ZNRF3: variants seen among roughly 807,000 people sequenced by gnomAD.
The protein encoded by ZNRF3 is zinc and ring finger 3.
A neutral mutation model predicts 72.5 loss-of-function variants in ZNRF3; 23 were observed. The observed-to-expected ratio is 0.32, with a 90% CI of 0.23 to 0.45. The LOEUF (loss-of-function observed/expected upper bound fraction) is 0.45. Ranked by LOEUF, ZNRF3 falls within the 20% of genes least tolerant of loss-of-function variation. The pLI is 1.00. For synonymous variants in ZNRF3, 610 were observed against 545.3 expected, an observed-to-expected ratio of 1.12 and a Z score of -1.65; for missense variants, 1,169 against 1,272.1, an observed-to-expected ratio of 0.92 and a Z score of 1.23.
chr22:28,940,061 A>G (rs1391137357), intron 1 of ZNRF3, among the ~76,000 whole-genome samples: 2 of 152,190 alleles, frequency 1.3e-5, no homozygotes, highest in Non-Finnish European at 2.9e-5. Flanking sequence ...AGCAGAACAA[A>G]ACCTCAGCAG....
At chr22:29,010,929 A>G (rs2036337109) in intron 2 of ZNRF3, among the ~76,000 whole-genome samples, 1 of 152,200 alleles carries the variant, frequency 6.6e-6, no homozygotes, top group South Asian at 2.1e-4. Flanking sequence ...TCAGCCTCCC[A>G]GAGTGCTGGG....
intron 1 of ZNRF3, among the ~76,000 whole-genome samples, chr22:28,964,072 G>A (rs997333656): frequency 2.0e-5 from 3 of 152,152 alleles, no homozygotes; most frequent in Non-Finnish European, 4.4e-5. Context: ...TGAGGGACAA[G>A]CTCCAGGAGT....
intron 1 of ZNRF3, among the ~76,000 whole-genome samples, chr22:28,907,489 GCAGGTGGT>G (rs1234080491): frequency 1.3e-5 from 2 of 152,192 alleles, no homozygotes; most frequent in African/African-American, 4.8e-5. Flanking sequence ...CACCAAGGGA[GCAGGTGGT>G]GGCCGCATGG....
At position 28,940,964 on chromosome 22, in the gene ZNRF3, CT is replaced by C. The variant is rs1025808503; in HGVS notation, c.301-46103del. Among the ~76,000 whole-genome samples the C allele has an allele frequency of 2.8e-4, 43 of 151,370 alleles. No homozygotes were observed. The East Asian group carries it at 3.1e-3, about 11-fold the overall frequency. On this transcript the variant is annotated intron_variant, in intron 1 of 8. Coordinates refer to ENST00000544604, the MANE Select transcript of ZNRF3 (RefSeq NM_001206998.2). ...GCACTTTGATCACCCTCCTGATTCC[CT>C]TTTTTTTTCCTCCCCCTTTTTGGAC...
At chr22:28,971,112 C>G (rs983817221) in intron 1 of ZNRF3, among the ~76,000 whole-genome samples, 17 of 152,076 alleles carry the variant, frequency 1.1e-4, no homozygotes, top group Admixed American at 1.1e-3. Flanking sequence ...CTGCTTGAGC[C>G]CAGGAGTTTG....
intron 1 of ZNRF3, among the ~76,000 whole-genome samples, chr22:28,900,885 C>T (rs1461677915): frequency 6.6e-6 from 1 of 151,998 alleles, no homozygotes. Context: ...GTGGGATGAT[C>T]GCTTGAGGCC....
At chr22:29,039,778 C>G (rs2036926598) in intron 2 of ZNRF3, among the ~76,000 whole-genome samples, 1 of 109,406 alleles carries the variant, frequency 9.1e-6, no homozygotes, top group Middle Eastern at 5.8e-3. Flanking sequence ...GAGACCTCGT[C>G]TCTACCAAAA....
intron 1 of ZNRF3, among the ~76,000 whole-genome samples, chr22:28,928,092 A>C (rs2034636258): frequency 6.6e-6 from 1 of 152,230 alleles, no homozygotes; most frequent in Admixed American, 6.5e-5. Flanking sequence ...GAGCCAGTGG[A>C]TAATTGCAAG....
At chr22:28,953,161 G>T (rs1266198183) in intron 1 of ZNRF3, among the ~76,000 whole-genome samples, 1 of 152,198 alleles carries the variant, frequency 6.6e-6, no homozygotes, top group Non-Finnish European at 1.5e-5. Flanking sequence ...CCTAGGCAGC[G>T]TGCAGTGCTA....
intron 1 of ZNRF3, among the ~76,000 whole-genome samples, chr22:28,923,909 C>T (rs141711204): frequency 4.6e-5 from 7 of 152,258 alleles, no homozygotes; most frequent in East Asian, 3.9e-4. Flanking sequence ...GGTGGGGGAC[C>T]GAGCGGGCGA....
At chr22:29,011,520 C>G (rs1159955429) in intron 2 of ZNRF3, among the ~76,000 whole-genome samples, 1 of 152,180 alleles carries the variant, frequency 6.6e-6, no homozygotes, top group Non-Finnish European at 1.5e-5. Context: ...GCTCCGAAAC[C>G]TATAATTCGC....
chr22:29,006,505 C>T (rs978811196), intron 2 of ZNRF3, among the ~76,000 whole-genome samples: 6 of 152,190 alleles, frequency 3.9e-5, no homozygotes, highest in African/African-American at 1.4e-4. Context: ...AGCCACCGCA[C>T]CTGGCCCAGT....
At chr22:28,989,166 C>T (rs1033364844) in intron 2 of ZNRF3, among the ~76,000 whole-genome samples, 1 of 152,208 alleles carries the variant, frequency 6.6e-6, no homozygotes, top group Non-Finnish European at 1.5e-5. Context: ...CAAGCAGCAG[C>T]CCCCACGTTT....
intron 2 of ZNRF3, among the ~76,000 whole-genome samples, chr22:29,033,633 G>A (rs116386942): frequency 0.011 from 1,679 of 152,316 alleles, 38 homozygotes; most frequent in African/African-American, 0.039. Context: ...CCTGGCCAGG[G>A]TGGCAGCAGT....
intron 1 of ZNRF3, among the ~76,000 whole-genome samples, chr22:28,942,441 C>T (rs755390255): frequency 2.0e-5 from 3 of 152,196 alleles, no homozygotes; most frequent in Non-Finnish European, 2.9e-5. Flanking sequence ...TAGCCCCTTT[C>T]CTTCTTGTCC....
In ZNRF3 at chr22:28,962,578, A is replaced by T. The variant is rs188393043; in HGVS notation, c.301-24498A>T. On this transcript the variant is annotated intron_variant, in intron 1 of 8. Coordinates refer to ENST00000544604, the MANE Select transcript of ZNRF3 (RefSeq NM_001206998.2). ...TAGGATCTGGAGCCACTGTGTTATC[A>T]TTTCTTCCATAGTTATAGATGGAGT... 9.7e-4 allele frequency among the ~76,000 whole-genome samples: 148 copies of T among 152,238 alleles called. 1 individual carries two copies. Among genetic ancestry groups the T allele is most frequent in the Non-Finnish European group, 1.7e-3 (115 of 68,016 alleles).
chr22:29,039,416 G>A (rs1220766724), intron 2 of ZNRF3, among the ~76,000 whole-genome samples: 3 of 152,106 alleles, frequency 2.0e-5, no homozygotes, highest in East Asian at 1.9e-4. Flanking sequence ...TACCTTCCCC[G>A]AGGGTGCTGT....
At chr22:28,937,254 A>G (rs1427880336) in intron 1 of ZNRF3, among the ~76,000 whole-genome samples, 1 of 144,440 alleles carries the variant, frequency 6.9e-6, no homozygotes, top group Non-Finnish European at 1.5e-5. Flanking sequence ...AAGGAAAGAA[A>G]AAAACTCATG....
intron 5 of ZNRF3, among the ~76,000 whole-genome samples, chr22:29,045,818 A>G (rs73882446): frequency 0.019 from 2,835 of 152,310 alleles, 93 homozygotes; most frequent in African/African-American, 0.065. Flanking sequence ...TATTATAAAC[A>G]CTCCACAGGT....
Sources: allele counts gnomAD v4.1 joint callset (sites outside exome capture counted in the v4.1 genomes callset), GRCh38; gene constraint gnomAD v4.1.1; transcripts MANE v1.5; gene names NCBI Gene and HGNC (gene_info 2026-07-23, HGNC 2026-07-21).